The following H2BC18 variants were observed in gnomAD, a reference collection of about 807,000 sequenced individuals.
The protein encoded by H2BC18 is H2B clustered histone 18.
H2BC18 carries 8 observed loss-of-function variants against 6.3 expected under a neutral mutation model. That is an observed-to-expected ratio of 1.28 (90% CI 0.75 to 2.31). The LOEUF (loss-of-function observed/expected upper bound fraction) is 2.31, where lower values mean the gene tolerates loss of function less well. H2BC18 is among the 30% of genes most tolerant of loss of function. The pLI is 0.00. For synonymous variants in H2BC18, 104 were observed against 78.1 expected, an observed-to-expected ratio of 1.33 and a Z score of -1.75; for missense variants, 106 against 174.5, an observed-to-expected ratio of 0.61 and a Z score of 2.21.
chr1:149,807,402 T>C (rs1470400269), downstream of H2BC18, among the ~76,000 whole-genome samples: 12 of 151,610 alleles, frequency 7.9e-5, no homozygotes, highest in African/African-American at 2.9e-4. Context: ...TGAGGTGGGA[T>C]GATCACTTGA....
intron 1 of H2BC18, chr1:149,790,326 C>G (rs1553751624): frequency 6.3e-7 from 1 of 1,587,544 alleles, no homozygotes; most frequent in East Asian, 2.3e-5. Context: ...TGAGTTGGAG[C>G]TTCAAGTGCT....
rs1553754526 is a variant in H2BC18 at position 149,812,030 on chromosome 1, G to A, written c.294C>T (p.Ala98=). The A allele has an allele frequency of 1.1e-5, 18 of 1,614,134 alleles. No homozygotes were observed. The highest frequency in any genetic ancestry group is 2.2e-5 in the East Asian group (1 of 44,900). ...GCTCGCCGGGCAGCAGCAGGCGCAC[G>A]GCCGTCTGGATCTCGCGGGATGTGA... ...STITSREIQT[A]VRLLLPGELA... Residue 98 remains alanine (A), a synonymous_variant, in exon 1 of 1, where the codon GCC becomes GCT. Transcript: ENST00000369167.
At chr1:149,794,271 G>T (rs587749165) in intron 1 of H2BC18, among the ~76,000 whole-genome samples, 1 of 151,604 alleles carries the variant, frequency 6.6e-6, no homozygotes, top group African/African-American at 2.4e-5. Context: ...AAAGAGAAGG[G>T]GGGGGAACAC....
downstream of H2BC18, among the ~76,000 whole-genome samples, chr1:149,807,839 A>G (rs1223951782): frequency 8.5e-5 from 12 of 140,354 alleles, no homozygotes; most frequent in South Asian, 1.1e-3. Flanking sequence ...GAGAGAGAGA[A>G]AGAGAGAAAA....
At chr1:149,809,047 C>T (rs1231756531), downstream of H2BC18, among the ~76,000 whole-genome samples, 6 of 140,262 alleles carry the variant, frequency 4.3e-5, no homozygotes. Flanking sequence ...TCTACACATA[C>T]TCCAACTCAT....
chr1:149,796,793 C>T (rs1269566111), intron 1 of H2BC18, among the ~76,000 whole-genome samples: 8 of 152,134 alleles, frequency 5.3e-5, no homozygotes, highest in Admixed American at 5.2e-4. Flanking sequence ...TTCATTTAGC[C>T]TTCATAATAT....
At chr1:149,802,295 C>T (rs587720429) in intron 1 of H2BC18, among the ~76,000 whole-genome samples, 1 of 151,732 alleles carries the variant, frequency 6.6e-6, no homozygotes, top group African/African-American at 2.4e-5. Context: ...TTGAAGAAAC[C>T]AAAAAAAGCA....
chr1:149,811,923 A>G lies in H2BC18; in HGVS notation c.*20T>C, dbSNP rs782478747. ...GCCTTTGGGGTTAGGTGGTTGATCT[A>G]TTGCGTCCCTTGCACACTCTTACTT... On this transcript the variant is annotated 3_prime_UTR_variant, in exon 1 of 1. Coordinates refer to ENST00000369167, the MANE Select transcript of H2BC18 (RefSeq NM_001024599.5). 4.6e-5 allele frequency: 73 copies of G among 1,599,858 alleles called. No homozygotes were observed. Among genetic ancestry groups the G allele is most frequent in the Non-Finnish European group, 4.9e-5 (57 of 1,168,442 alleles).
At chr1:149,799,883 G>T (rs1480788623) in intron 1 of H2BC18, among the ~76,000 whole-genome samples, 9 of 152,162 alleles carry the variant, frequency 5.9e-5, no homozygotes, top group Non-Finnish European at 1.3e-4. Context: ...CGGCGGAGGG[G>T]GGTTCTCCAT....
chr1:149,802,890 A>G (rs1571415066), intron 1 of H2BC18, among the ~76,000 whole-genome samples: 1 of 152,092 alleles, frequency 6.6e-6, no homozygotes, highest in Non-Finnish European at 1.5e-5. Context: ...AGCTTAGCCC[A>G]CCTTCTCTCT....
chr1:149,799,889 T>C (rs1201580081), intron 1 of H2BC18, among the ~76,000 whole-genome samples: 1 of 152,200 alleles, frequency 6.6e-6, no homozygotes, highest in Non-Finnish European at 1.5e-5. Context: ...AGGGGGGTTC[T>C]CCATACAGCA....
intron 1 of H2BC18, among the ~76,000 whole-genome samples, chr1:149,801,576 C>T (rs1179705538): frequency 2.2e-5 from 3 of 137,050 alleles, no homozygotes; most frequent in Non-Finnish European, 4.8e-5. Context: ...TTAAAAACAT[C>T]CTAAAGAGCA....
chr1:149,794,413 AGT>A, intron 1 of H2BC18, among the ~76,000 whole-genome samples: 1 of 149,414 alleles, frequency 6.7e-6, no homozygotes, highest in East Asian at 2.0e-4. Flanking sequence ...TTGACATTTA[AGT>A]GTAACTCTTG....
At chr1:149,793,906 T>C in intron 1 of H2BC18, 1 of 1,286,524 alleles carries the variant, frequency 7.8e-7, no homozygotes. Flanking sequence ...TTCTGGATCT[T>C]TCCTAGCTAA....
chr1:149,804,830 G>A (rs1391730661), intron 1 of H2BC18, among the ~76,000 whole-genome samples: 2 of 151,970 alleles, frequency 1.3e-5, no homozygotes, highest in African/African-American at 4.8e-5. Flanking sequence ...GTCCTTACGT[G>A]GGGAAGCTAT....
chr1:149,784,664 C>T, intron 1 of H2BC18, among the ~76,000 whole-genome samples: 1 of 147,534 alleles, frequency 6.8e-6, no homozygotes, highest in East Asian at 2.0e-4. Flanking sequence ...ACATATTATG[C>T]ATATATATGT....
chr1:149,792,936 A>C, intron 1 of H2BC18: 1 of 1,272,886 alleles, frequency 7.9e-7, no homozygotes, highest in Non-Finnish European at 1.0e-6. Context: ...GGCAGGTGTG[A>C]AAACCCGGCG....
At chr1:149,792,653 A>C (rs782022984) in intron 1 of H2BC18, 1 of 1,276,324 alleles carries the variant, frequency 7.8e-7, no homozygotes, top group South Asian at 1.3e-5. Flanking sequence ...CTCCGCCTGT[A>C]TCTGGGGGCC....
rs769672629 is a variant in H2BC18, at chr1:149,812,341, G to A, written c.-18C>T. 3 of 1,613,988 alleles carry A rather than the reference G, an allele frequency of 1.9e-6. No homozygotes were observed. The highest frequency in any genetic ancestry group is 1.1e-5 in the South Asian group (1 of 91,094). ...TCCGGCATTTTTGCGCGAAAAAAGA[G>A]AAAAGAGACTTAAAGAAGTAATCCG... On this transcript the variant is annotated 5_prime_UTR_variant, in exon 1 of 1. Coordinates refer to ENST00000369167, the MANE Select transcript of H2BC18 (RefSeq NM_001024599.5).
Sources: allele counts gnomAD v4.1 joint callset (sites outside exome capture counted in the v4.1 genomes callset), GRCh38; gene constraint gnomAD v4.1.1; transcripts MANE v1.5; gene names NCBI Gene and HGNC (gene_info 2026-07-23, HGNC 2026-07-21).